RASGEF1A: variants seen among roughly 807,000 people sequenced by gnomAD.
The protein encoded by RASGEF1A is ras-GEF domain-containing family member 1A.
A neutral mutation model predicts 56.4 loss-of-function variants in RASGEF1A; 18 were observed. The observed-to-expected ratio is 0.32, with a 90% CI of 0.22 to 0.47. RASGEF1A has a LOEUF of 0.47. RASGEF1A is among the 20% of genes least tolerant of loss of function. The pLI, the probability that RASGEF1A is intolerant of heterozygous loss-of-function variation, is 1.00. For synonymous variants in RASGEF1A, 245 were observed against 242.6 expected, an observed-to-expected ratio of 1.01 and a Z score of -0.09; for missense variants, 422 against 627.1, an observed-to-expected ratio of 0.67 and a Z score of 3.49.
At chr10:43,229,446 G>T (rs1840330039) in intron 1 of RASGEF1A, among the ~76,000 whole-genome samples, 1 of 152,214 alleles carries the variant, frequency 6.6e-6, no homozygotes, top group Non-Finnish European at 1.5e-5. Flanking sequence ...GGCAGGAGCA[G>T]AGGCAGGCTG....
At chr10:43,229,579 C>T in intron 1 of RASGEF1A, 1 of 1,408,864 alleles carries the variant, frequency 7.1e-7, no homozygotes, top group Non-Finnish European at 9.5e-7. Flanking sequence ...CCCTCCCGAG[C>T]CCGACAGCGC....
At chr10:43,258,790 A>G (rs535160103) in intron 1 of RASGEF1A, among the ~76,000 whole-genome samples, 140 of 152,356 alleles carry the variant, frequency 9.2e-4, no homozygotes, top group African/African-American at 3.2e-3. Context: ...CTCTCAGGGC[A>G]GCTCATGTGC....
In RASGEF1A at chr10:43,196,514, G is replaced by C; in HGVS notation, c.1383C>G (p.Pro461=). 1 of 1,613,876 alleles carries C rather than the reference G, an allele frequency of 6.2e-7. No homozygotes were observed. The highest frequency in any genetic ancestry group is 8.5e-7 in the Non-Finnish European group (1 of 1,179,996). ...LFVASFESEG[P]ENHMEKDSWK... ...AGCTGTCTTTTTCCATGTGGTTCTC[G>C]GGACCCTCACTTTCAAAGGAGGCGA... Residue 461 remains proline (P), a synonymous_variant, in exon 12 of 13, where the codon CCC becomes CCG. Coordinates refer to ENST00000395810, the MANE Select transcript of RASGEF1A (RefSeq NM_145313.4). The surrounding 1 kb of genome is among the most constrained non-coding windows in gnomAD (Gnocchi z 4.6).
chr10:43,231,608 G>A (rs1263209764), intron 1 of RASGEF1A, among the ~76,000 whole-genome samples: 1 of 152,282 alleles, frequency 6.6e-6, no homozygotes, highest in Non-Finnish European at 1.5e-5. Flanking sequence ...ACCTTGATAA[G>A]GCAGACGCTT....
chr10:43,253,528 C>A (rs745635705), intron 1 of RASGEF1A, among the ~76,000 whole-genome samples: 11 of 152,258 alleles, frequency 7.2e-5, no homozygotes, highest in Non-Finnish European at 1.5e-4. Context: ...AATCTTTCCC[C>A]GCTGCAGTCA....
At chr10:43,258,531 A>G (rs1248528572) in intron 1 of RASGEF1A, among the ~76,000 whole-genome samples, 1 of 152,194 alleles carries the variant, frequency 6.6e-6, no homozygotes, top group Non-Finnish European at 1.5e-5. Context: ...CTTGGGGCAA[A>G]GCTGCAGGCC....
At chr10:43,226,206 C>T (rs1296020336) in intron 1 of RASGEF1A, among the ~76,000 whole-genome samples, 2 of 152,220 alleles carry the variant, frequency 1.3e-5, no homozygotes, top group Non-Finnish European at 2.9e-5. Flanking sequence ...CTTTGGGAAG[C>T]CAAAGCGGGC....
At chr10:43,203,224 G>T in intron 3 of RASGEF1A, 74 bp downstream of exon 3, 1 of 1,293,270 alleles carries the variant, frequency 7.7e-7, no homozygotes, top group Non-Finnish European at 1.0e-6. Context: ...CCCGCCCCAT[G>T]CCTCCAGCCC....
intron 1 of RASGEF1A, among the ~76,000 whole-genome samples, chr10:43,232,532 G>C (rs541084402): frequency 4.3e-5 from 6 of 140,494 alleles, no homozygotes; most frequent in Non-Finnish European, 7.5e-5. Flanking sequence ...TATCACCCAG[G>C]CTGGAGTGCA....
chr10:43,219,628 C>T (rs1311856552), intron 1 of RASGEF1A, among the ~76,000 whole-genome samples: 1 of 152,192 alleles, frequency 6.6e-6, no homozygotes, highest in South Asian at 2.1e-4. Context: ...GAAGCAGCAG[C>T]CCATGACCAA....
chr10:43,217,056 C>A (rs1267556014), intron 1 of RASGEF1A, among the ~76,000 whole-genome samples: 2 of 152,100 alleles, frequency 1.3e-5, no homozygotes, highest in Non-Finnish European at 2.9e-5. Context: ...TGAGAGGCAT[C>A]GTGGAGGGGG....
intron 1 of RASGEF1A, among the ~76,000 whole-genome samples, chr10:43,255,731 C>T (rs1025254415): frequency 6.6e-6 from 1 of 152,228 alleles, no homozygotes; most frequent in Admixed American, 6.5e-5. Flanking sequence ...TCAGGGGAAC[C>T]CTGGAGCCAG....
At chr10:43,236,591 C>T (rs1156603879) in intron 1 of RASGEF1A, among the ~76,000 whole-genome samples, 3 of 152,272 alleles carry the variant, frequency 2.0e-5, no homozygotes, top group African/African-American at 7.2e-5. Flanking sequence ...CGCGCCCTCC[C>T]TCCTCCTCTT....
chr10:43,242,883 A>G (rs1268185179), intron 1 of RASGEF1A, among the ~76,000 whole-genome samples: 2 of 151,722 alleles, frequency 1.3e-5, no homozygotes, highest in African/African-American at 4.9e-5. Flanking sequence ...GCTCACTACA[A>G]CCTCCACCTC....
intron 1 of RASGEF1A, among the ~76,000 whole-genome samples, chr10:43,250,634 G>A (rs72783250): frequency 0.098 from 14,265 of 146,210 alleles, 714 homozygotes; most frequent in Middle Eastern, 0.12. Context: ...GGGGTGTGCC[G>A]AAGGGGAAGG....
intron 1 of RASGEF1A, among the ~76,000 whole-genome samples, chr10:43,230,150 G>A (rs570529274): frequency 6.6e-6 from 1 of 152,218 alleles, no homozygotes; most frequent in Non-Finnish European, 1.5e-5. Flanking sequence ...TCACCTGATC[G>A]TAGACGTCCA....
At chr10:43,234,115 G>T (rs1840403660) in intron 1 of RASGEF1A, among the ~76,000 whole-genome samples, 1 of 152,208 alleles carries the variant, frequency 6.6e-6, no homozygotes, top group Non-Finnish European at 1.5e-5. Context: ...TGTCCCTGCG[G>T]AGTCACCCCA....
At chr10:43,263,758 G>A (rs577770486) in intron 1 of RASGEF1A, among the ~76,000 whole-genome samples, 18 of 152,318 alleles carry the variant, frequency 1.2e-4, no homozygotes, top group African/African-American at 4.3e-4. Flanking sequence ...GGATCACTGG[G>A]TGTCGTCCTG....
chr10:43,197,226 G>C (rs1839812748), intron 10 of RASGEF1A, 127 bp from the exon 11 acceptor site: 1 of 1,139,832 alleles, frequency 8.8e-7, no homozygotes, highest in Non-Finnish European at 1.3e-6. Context: ...AGATGGGACA[G>C]TGGCCCTGCA....
Sources: gnomAD v4.1 joint callset for allele counts (sites outside exome capture counted in the v4.1 genomes callset) on GRCh38, gnomAD v4.1.1 for gene constraint, Gnocchi (gnomAD v3.1) non-coding constraint, MANE v1.5 for transcripts, NCBI Gene and HGNC (gene_info 2026-07-23, HGNC 2026-07-21) for gene names.